The following TPR variants were observed in gnomAD, a reference collection of about 807,000 sequenced individuals.
The protein encoded by TPR is translocated promoter region, nuclear basket protein.
A neutral mutation model predicts 316.1 loss-of-function variants in TPR; 51 were observed. That is an observed-to-expected ratio of 0.16 (90% CI 0.13 to 0.20). The LOEUF (loss-of-function observed/expected upper bound fraction) is 0.20, where lower values mean the gene tolerates loss of function less well. Among genes scored for constraint, TPR ranks in the 10% least tolerant of loss-of-function variants. The pLI is 1.00. For synonymous variants in TPR, 981 were observed against 914.7 expected (o/e 1.07, Z -1.31); for missense variants, 2,272 against 2,754.8 (o/e 0.82, Z 3.92).
In TPR at chr1:186,334,475, G is replaced by A. The variant is rs200748289; in HGVS notation, c.5032C>T (p.Pro1678Ser). The A allele has an allele frequency of 6.2e-7, 1 of 1,613,762 alleles. No individual in the cohort carries two copies. The highest frequency in any genetic ancestry group is 1.7e-4 in the Middle Eastern group (1 of 6,052). Residue 1678 changes from proline (P) to serine (S), a missense_variant, in exon 36 of 51, where the codon CCA becomes TCA. Around this residue, in one of 10 missense-constraint regions of TPR, gnomAD observed 109 missense variants for 215.3 expected, o/e 0.51. Coordinates refer to ENST00000367478, the MANE Select transcript of TPR (RefSeq NM_003292.3). ...ATAGCTGCAGCTGTCACTTTACTTG[G>A]AGTAGACACAACAGGAGTTGGCTTG... ...NIKPTPVVST[P>S]SKVTAAAMAG...
At chr1:186,347,219 C>G (rs878906536) in intron 22 of TPR, 73 bp downstream of exon 22, 1 of 1,514,794 alleles carries the variant, frequency 6.6e-7, no homozygotes, top group South Asian at 1.3e-5. Context: ...CTTAAAAAAG[C>G]AGTCCTCTAG....
At position 186,359,582 on chromosome 1, in the gene TPR, T is replaced by C. The variant is rs190585878; in HGVS notation, c.1389+217A>G. ...TAAATGCATTAAAAAAAGGTTAAAATGCTTTCACAATTTTATATAAAAATT... is the reference window on the plus strand; with the variant it reads ...TAAATGCATTAAAAAAAGGTTAAAACGCTTTCACAATTTTATATAAAAATT... On this transcript the variant is annotated intron_variant, in intron 12 of 50. Coordinates refer to ENST00000367478, the MANE Select transcript of TPR (RefSeq NM_003292.3). Among the ~76,000 whole-genome samples the C allele has an allele frequency of 1.8e-3, 270 of 152,180 alleles. 1 individual carries two copies. Among genetic ancestry groups the C allele is most frequent in the Middle Eastern group, 3.4e-3 (1 of 294 alleles).
chr1:186,345,667 A>C lies in TPR; in HGVS notation c.3126T>G (p.Ser1042Arg), dbSNP rs748838725. The C allele has an allele frequency of 2.0e-5, 33 of 1,612,830 alleles. No individual in the cohort carries two copies. The highest frequency in any genetic ancestry group is 2.8e-5 in the Non-Finnish European group (33 of 1,179,596). ...GAGCTTCTTGTACTTCATTCTGAAC[A>C]CTAGAAAGTGTTTTCTTCAATTCAG... ...QLSELKKTLS[S>R]VQNEVQEALQ... is the part of the protein sequence containing the mutation. The change falls in exon 24 of 51, where the codon AGT becomes AGG. Residue 1042 changes from serine (S) to arginine (R), a missense_variant. By Grantham distance (110) the Ser-to-Arg change is moderately radical. This residue lies in a region of TPR where 757 missense variants were observed against 859.8 expected (regional missense o/e 0.88). Transcript: ENST00000367478.
intron 22 of TPR, among the ~76,000 whole-genome samples, chr1:186,346,881 T>C (rs1350824363): frequency 6.6e-6 from 1 of 152,222 alleles, no homozygotes; most frequent in Non-Finnish European, 1.5e-5. Flanking sequence ...CTACTCACTT[T>C]ACAAATTGTC....
chr1:186,372,009 A>G (rs72713758), intron 2 of TPR, among the ~76,000 whole-genome samples: 13 of 152,300 alleles, frequency 8.5e-5, no homozygotes, highest in Non-Finnish European at 1.6e-4. Flanking sequence ...AGATCTTTTT[A>G]TTATGGCTAG....
At chr1:186,346,559 C>T (rs1348877827) in intron 22 of TPR, among the ~76,000 whole-genome samples, 1 of 152,120 alleles carries the variant, frequency 6.6e-6, no homozygotes, top group Non-Finnish European at 1.5e-5. Flanking sequence ...ATCCTCATAT[C>T]CACTTGCCAA....
intron 49 of TPR, among the ~76,000 whole-genome samples, chr1:186,316,564 C>T (rs550780522): frequency 2.0e-5 from 3 of 152,224 alleles, no homozygotes; most frequent in Admixed American, 6.5e-5. Flanking sequence ...GACTGAATGA[C>T]CAAGTACTGT....
intron 22 of TPR, among the ~76,000 whole-genome samples, chr1:186,346,608 C>T (rs1658686654): frequency 6.6e-6 from 1 of 152,174 alleles, no homozygotes. Flanking sequence ...TTTCCTCACA[C>T]ATTTTGATTT....
intron 43 of TPR, among the ~76,000 whole-genome samples, chr1:186,323,040 C>T (rs1391651684): frequency 6.6e-6 from 1 of 152,108 alleles, no homozygotes; most frequent in African/African-American, 2.4e-5. Flanking sequence ...ATTTTCCCAT[C>T]ATGAAGTTAT....
intron 4 of TPR, among the ~76,000 whole-genome samples, chr1:186,364,998 C>G (rs1659297001): frequency 6.6e-6 from 1 of 151,828 alleles, no homozygotes; most frequent in South Asian, 2.1e-4. Context: ...CTTCTGGTTA[C>G]ACAAGAAGAA....
chr1:186,370,446 C>T (rs1659486494), intron 3 of TPR, among the ~76,000 whole-genome samples: 1 of 152,004 alleles, frequency 6.6e-6, no homozygotes, highest in African/African-American at 2.4e-5. Context: ...TACTACGAGG[C>T]TTTTTTGCGC....
chr1:186,311,928 C>A lies in TPR; in HGVS notation c.*2043G>T, dbSNP rs1048530047. On this transcript the variant is annotated 3_prime_UTR_variant, in exon 51 of 51. Transcript: ENST00000367478. ...AGTATATGTGCTGCCAAACTGAGCA[C>A]TTGTCACTTTCAATTGAAATTAAAT... 6.9e-5 allele frequency: 37 copies of A among 538,850 alleles called. No individual in the cohort carries two copies. Among genetic ancestry groups the A allele is most frequent in the East Asian group, 2.2e-4 (7 of 31,424 alleles). 33.4% of individuals were successfully genotyped at this position (538,850 alleles called of 1,614,324 possible). A position where few individuals can be genotyped will look rare whatever the true frequency, so the allele number is the denominator to read the frequency against.
chr1:186,361,393 G>T (rs545398496), intron 9 of TPR, among the ~76,000 whole-genome samples: 1 of 151,782 alleles, frequency 6.6e-6, no homozygotes, highest in South Asian at 2.1e-4. Flanking sequence ...AAGATTATTA[G>T]ATAAAAAACA....
Position 186,312,127 on chromosome 1 carries a change from TATTAAA to T in TPR, c.*1838_*1843del, listed in dbSNP as rs747928688. 58 of 1,541,162 alleles carry T rather than the reference TATTAAA, an allele frequency of 3.8e-5. No individual in the cohort carries two copies. The highest frequency in any genetic ancestry group is 5.0e-5 in the Non-Finnish European group (56 of 1,115,670). On this transcript the variant is annotated 3_prime_UTR_variant, in exon 51 of 51. Coordinates refer to ENST00000367478, the MANE Select transcript of TPR (RefSeq NM_003292.3). ...AGTTGTTTTCCACCTTTTCTGAGGG[TATTAAA>T]ATTAATTTTCATTTTCCATGTGATA...
Position 186,313,486 on chromosome 1 carries a change from T to A in TPR, c.*485A>T. The stretch of plus-strand genomic sequence containing the variant: ...TTACAAAAAGATGGTGAAATGTCAA[T>A]CTTTTGAAACATCAAAAAAGCTGAA... On this transcript the variant is annotated 3_prime_UTR_variant, in exon 51 of 51. Transcript: ENST00000367478. The A allele has an allele frequency of 9.4e-6, 5 of 533,870 alleles. No homozygotes were observed. In the South Asian group the frequency reaches 1.2e-4, roughly 13 times the overall value. 33.1% of individuals were successfully genotyped at this position (533,870 alleles called of 1,614,324 possible).
intron 27 of TPR, 67 bp downstream of exon 27, chr1:186,343,259 G>T: frequency 1.3e-6 from 2 of 1,531,618 alleles, no homozygotes; most frequent in Non-Finnish European, 1.8e-6. Flanking sequence ...ACGTTAAATG[G>T]TAGAGATATA....
chr1:186,343,996 A>C lies in TPR; in HGVS notation c.3512T>G (p.Val1171Gly), dbSNP rs1658599167. ...TTGTACACCTTCCTTCACAGAGGCA[A>C]CGACCTTGTCACTTAATTTTTCGAT... ...DQIEKLSDKV[V>G]ASVKEGVQGP... Residue 1171 changes from valine (V) to glycine (G), a missense_variant, in exon 26 of 51, where the codon GTT (valine) becomes GGT (glycine). Around this residue, in one of 10 missense-constraint regions of TPR, gnomAD observed 757 missense variants for 859.8 expected, o/e 0.88. Transcript: ENST00000367478. The C allele has an allele frequency of 6.8e-6, 11 of 1,614,172 alleles. No homozygotes were observed. The East Asian group carries it at 2.5e-4, about 36-fold the overall frequency.
Position 186,357,595 on chromosome 1 carries a change from T to C in TPR, c.1526A>G (p.Glu509Gly). The C allele has an allele frequency of 6.2e-7, 1 of 1,613,854 alleles. No individual in the cohort carries two copies. The highest frequency in any genetic ancestry group is 8.5e-7 in the Non-Finnish European group (1 of 1,179,962). ...QIRVLLMELE[E>G]ARGNHVIRDE... Reference sequence around the variant, plus strand: ...ACGAATTACGTGGTTACCCCTTGCTTCTTCAAGTTCCATCAAAAGCACTCT... The same window carrying C: ...ACGAATTACGTGGTTACCCCTTGCTCCTTCAAGTTCCATCAAAAGCACTCT... The change falls in exon 14 of 51, where the codon GAA becomes GGA. Residue 509 changes from glutamate (E) to glycine (G), a missense_variant. Glu to Gly is a moderately conservative substitution (Grantham distance 98, BLOSUM62 -2). Coordinates refer to ENST00000367478, the MANE Select transcript of TPR (RefSeq NM_003292.3).
chr1:186,314,329 T>C (rs1289411693), intron 50 of TPR: 4 of 392,062 alleles, frequency 1.0e-5, no homozygotes, highest in East Asian at 9.0e-5. Flanking sequence ...TGGCAATAGG[T>C]AGAGATACAA....
Sources: allele counts gnomAD v4.1 joint callset (sites outside exome capture counted in the v4.1 genomes callset), GRCh38; gene constraint gnomAD v4.1.1; regional missense constraint gnomAD v4.1.1; transcripts MANE v1.5; gene names NCBI Gene and HGNC (gene_info 2026-07-23, HGNC 2026-07-21).